The following CREB5 variants were observed in gnomAD, a reference collection of about 807,000 sequenced individuals.
The protein encoded by CREB5 is cyclic AMP-responsive element-binding protein 5.
In CREB5, 19 loss-of-function variants were observed where a neutral mutation model predicts 57.1. The observed-to-expected ratio is 0.33, with a 90% CI of 0.23 to 0.49. The LOEUF is 0.49. CREB5 is among the 20% of genes least tolerant of loss of function. The pLI is 0.99. For synonymous variants in CREB5, 238 were observed against 238.3 expected (o/e 1.00, Z 0.01); for missense variants, 579 against 671.6 (o/e 0.86, Z 1.52).
At position 28,300,092 on chromosome 7, in the gene CREB5, T is replaced by G. The variant is rs912087432; in HGVS notation, c.-25+651T>G. Among the ~76,000 whole-genome samples, 3 of 120,660 alleles carry G rather than the reference T, an allele frequency of 2.5e-5. No homozygotes were observed. The East Asian group carries it at 7.6e-4, about 30-fold the overall frequency. The allele number at this position is 120,660 out of a possible 152,430, so 79.2% of individuals were successfully genotyped here. On this transcript the variant is annotated intron_variant, in intron 1 of 9. Transcript: ENST00000396299. ...TTTATTTATTTATTTATTTATTTAT[T>G]TATTTATTACTACCTTAGGTGTTTC...
chr7:28,360,908 C>T (rs916552312), intron 1 of CREB5, among the ~76,000 whole-genome samples: 1 of 152,000 alleles, frequency 6.6e-6, no homozygotes, highest in Non-Finnish European at 1.5e-5. Flanking sequence ...CTTTGTTTGA[C>T]CCCAGGGATA....
At position 28,773,179 on chromosome 7, in the gene CREB5, A is replaced by T. The variant is rs137968139; in HGVS notation, c.703-31020A>T. On this transcript the variant is annotated intron_variant, in intron 7 of 10. Coordinates refer to ENST00000357727, the MANE Select transcript of CREB5 (RefSeq NM_182898.4). The stretch of plus-strand genomic sequence containing the variant: ...GGTTTCCAAAAACAAACAAAAAAAA[A>T]ATCACTTTAAGACTGTTTGTTTGAC... Among the ~76,000 whole-genome samples, 588 of 152,286 alleles carry T rather than the reference A, an allele frequency of 3.9e-3. 5 individuals carry two copies. The highest frequency in any genetic ancestry group is 0.013 in the African/African-American group (549 of 41,542).
chr7:28,410,835 A>C, upstream of CREB5: 4 of 323,132 alleles, frequency 1.2e-5, no homozygotes, highest in South Asian at 2.6e-5. Context: ...TGACAAAGCA[A>C]CTCTGCTTTG....
chr7:28,658,953 G>GTGTGTA (rs1400561698), intron 5 of CREB5, among the ~76,000 whole-genome samples: 3 of 99,604 alleles, frequency 3.0e-5, no homozygotes, highest in African/African-American at 9.8e-5. Context: ...GTGTGTGTGT[G>GTGTGTA]TATATATATA....
intron 5 of CREB5, among the ~76,000 whole-genome samples, chr7:28,599,771 GT>G (rs1365118135): frequency 7.2e-6 from 1 of 138,350 alleles, no homozygotes; most frequent in East Asian, 2.0e-4. Flanking sequence ...TATTGTATTA[GT>G]TAGAACCGCA....
chr7:28,760,477 G>A (rs929831277), intron 7 of CREB5, among the ~76,000 whole-genome samples: 2 of 152,144 alleles, frequency 1.3e-5, no homozygotes, highest in Non-Finnish European at 2.9e-5. Context: ...TTCTTCAACC[G>A]ATGCTGCCTC....
intron 1 of CREB5, among the ~76,000 whole-genome samples, chr7:28,435,381 A>ATT (rs34815040): frequency 0.013 from 1,357 of 103,466 alleles, 30 homozygotes; most frequent in African/African-American, 0.037. Context: ...TTTCCCTTCC[A>ATT]TTTTTTTTTT....
intron 4 of CREB5, among the ~76,000 whole-genome samples, chr7:28,568,010 A>G (rs1208958343): frequency 6.6e-6 from 1 of 152,160 alleles, no homozygotes; most frequent in Non-Finnish European, 1.5e-5. Context: ...TGGCTATAGT[A>G]TGGGAAAAAG....
chr7:28,399,545 C>G (rs1562691839), intron 1 of CREB5, among the ~76,000 whole-genome samples: 1 of 152,060 alleles, frequency 6.6e-6, no homozygotes, highest in Admixed American at 6.6e-5. Flanking sequence ...GAAAGAATAT[C>G]CTATTCAATA....
intron 7 of CREB5, among the ~76,000 whole-genome samples, chr7:28,803,796 C>A (rs1352225456): frequency 2.0e-5 from 3 of 151,416 alleles, no homozygotes; most frequent in Non-Finnish European, 4.4e-5. Context: ...CAGTAGCACA[C>A]CAGATGGAGT....
At chr7:28,550,126 ACTC>A (rs1056153891) in intron 4 of CREB5, among the ~76,000 whole-genome samples, 17 of 145,444 alleles carry the variant, frequency 1.2e-4, no homozygotes, top group African/African-American at 1.8e-4. Flanking sequence ...TCCTTTTCTT[ACTC>A]CTCTTCTTCC....
At chr7:28,646,791 G>A (rs1215431127) in intron 5 of CREB5, among the ~76,000 whole-genome samples, 6 of 152,198 alleles carry the variant, frequency 3.9e-5, no homozygotes, top group Non-Finnish European at 5.9e-5. Context: ...TTTTGCAAAT[G>A]AGATTTTTTT....
intron 4 of CREB5, among the ~76,000 whole-genome samples, chr7:28,524,635 A>G (rs1164528482): frequency 6.6e-6 from 1 of 152,244 alleles, no homozygotes; most frequent in Non-Finnish European, 1.5e-5. Context: ...AAGAATTTTA[A>G]TTAGAAATGC....
chr7:28,559,845 G>C (rs1314901442), intron 4 of CREB5, among the ~76,000 whole-genome samples: 1 of 152,236 alleles, frequency 6.6e-6, no homozygotes, highest in South Asian at 2.1e-4. Flanking sequence ...TCCTGGAATT[G>C]ATTGTACAGT....
At chr7:28,320,567 C>T (rs922420614) in intron 1 of CREB5, among the ~76,000 whole-genome samples, 2 of 152,166 alleles carry the variant, frequency 1.3e-5, no homozygotes, top group Non-Finnish European at 2.9e-5. Context: ...AGATCTAGTT[C>T]TGGAATACAG....
chr7:28,335,096 A>T (rs1327128821), intron 1 of CREB5, among the ~76,000 whole-genome samples: 1 of 152,148 alleles, frequency 6.6e-6, no homozygotes, highest in Non-Finnish European at 1.5e-5. Context: ...TTTGGTTACT[A>T]TAGCTCTAAA....
At chr7:28,487,599 G>A (rs1238639006) in intron 1 of CREB5, among the ~76,000 whole-genome samples, 1 of 152,198 alleles carries the variant, frequency 6.6e-6, no homozygotes, top group Non-Finnish European at 1.5e-5. Context: ...AGGGAATTGA[G>A]GACCACGGTT....
At chr7:28,795,961 C>T (rs893443542) in intron 7 of CREB5, among the ~76,000 whole-genome samples, 3 of 152,060 alleles carry the variant, frequency 2.0e-5, no homozygotes, top group East Asian at 3.9e-4. Context: ...ACTATGTTGA[C>T]CCGCTAGTCT....
chr7:28,355,054 G>T (rs932943006), intron 1 of CREB5, among the ~76,000 whole-genome samples: 7 of 152,170 alleles, frequency 4.6e-5, no homozygotes, highest in Non-Finnish European at 1.0e-4. Flanking sequence ...TATGTCTTCC[G>T]TTGCAGCAGA....
Sources: allele counts gnomAD v4.1 joint callset (sites outside exome capture counted in the v4.1 genomes callset), GRCh38; gene constraint gnomAD v4.1.1; transcripts MANE v1.5; gene names NCBI Gene and HGNC (gene_info 2026-07-23, HGNC 2026-07-21).